The following APCDD1 variants were observed in gnomAD, a reference collection of about 807,000 sequenced individuals.
APCDD1 encodes the protein protein APCDD1.
A neutral mutation model predicts 38.1 loss-of-function variants in APCDD1; 15 were observed. The ratio of observed to expected loss-of-function variants is 0.39; its 90% CI spans 0.26 to 0.61. The LOEUF is 0.61. Ranked by LOEUF, APCDD1 falls within the 20% of genes least tolerant of loss-of-function variation. The pLI is 0.49. For synonymous variants in APCDD1, 261 were observed against 279.7 expected, an observed-to-expected ratio of 0.93 and a Z score of 0.67; for missense variants, 647 against 696.2, an observed-to-expected ratio of 0.93 and a Z score of 0.79.
At chr18:10,463,098 T>C (rs1474532736) in intron 1 of APCDD1, among the ~76,000 whole-genome samples, 1 of 151,940 alleles carries the variant, frequency 6.6e-6, no homozygotes, top group Non-Finnish European at 1.5e-5. Flanking sequence ...GGTCACCCCG[T>C]GCCCCCTTCT....
In APCDD1 at chr18:10,485,499, A is replaced by T. The variant is rs547035524; in HGVS notation, c.812A>T (p.Tyr271Phe). 1 of 1,614,104 alleles carries T rather than the reference A, an allele frequency of 6.2e-7. No homozygotes were observed. Among genetic ancestry groups the T allele is most frequent in the East Asian group, 2.2e-5 (1 of 44,866 alleles). Reference sequence around the variant, plus strand: ...GCCTGCATCGCCTGTCGGATCATCTATCGGTCAGACGAGCACCACCCTCCC... The same window carrying T: ...GCCTGCATCGCCTGTCGGATCATCTTTCGGTCAGACGAGCACCACCCTCCC... ...DHACIACRII[Y>F]RSDEHHPPIL... The change falls in exon 4 of 5, where the codon TAT becomes TTT. Residue 271 changes from tyrosine (Y) to phenylalanine (F), a missense_variant. Physicochemically the swap from Tyr to Phe is conservative, Grantham distance 22. Transcript: ENST00000355285. The surrounding 1 kb of genome is among the most constrained non-coding windows in gnomAD (Gnocchi z 5.8).
chr18:10,458,559 CAGAT>C (rs1196951571), intron 1 of APCDD1, among the ~76,000 whole-genome samples: 3 of 152,122 alleles, frequency 2.0e-5, no homozygotes, highest in African/African-American at 7.2e-5. Flanking sequence ...GGGTCTCAGA[CAGAT>C]GTTAAATATC....
chr18:10,477,730 G>A (rs1417869084), intron 3 of APCDD1: 5 of 152,182 alleles, frequency 3.3e-5, no homozygotes, highest in African/African-American at 1.2e-4. Flanking sequence ...CTGAGCCCCA[G>A]GGGAGAAAGG....
At chr18:10,487,465 T>G in intron 4 of APCDD1, 125 bp from the exon 5 acceptor site, 1 of 920,216 alleles carries the variant, frequency 1.1e-6, no homozygotes, top group Non-Finnish European at 1.7e-6. Context: ...GGTGGGTCTG[T>G]AGGTGGGATT....
rs2031311590 is a variant in APCDD1, at chr18:10,488,864, G to C, written c.*826G>C. 6.6e-6 allele frequency: 1 copy of C among 152,212 alleles called. No homozygotes were observed. Among genetic ancestry groups the C allele is most frequent in the Admixed American group, 6.5e-5 (1 of 15,276 alleles). 9.4% of individuals were successfully genotyped at this position (152,212 alleles called of 1,614,324 possible). On this transcript the variant is annotated 3_prime_UTR_variant, in exon 5 of 5. Coordinates refer to ENST00000355285, the MANE Select transcript of APCDD1 (RefSeq NM_153000.5). ...AGGAGCAGTGACACGGGTGGCTGCA[G>C]TGTGGTACATGCCACACAAATGATA... is the stretch of plus-strand genomic sequence containing the variant.
chr18:10,487,104 T>C (rs899918536), intron 4 of APCDD1, among the ~76,000 whole-genome samples: 2 of 152,232 alleles, frequency 1.3e-5, no homozygotes, highest in African/African-American at 2.4e-5. Flanking sequence ...GCCTGATGTA[T>C]GGGCCCATAG....
chr18:10,473,550 G>A (rs1378564022), intron 3 of APCDD1, among the ~76,000 whole-genome samples: 1 of 152,206 alleles, frequency 6.6e-6, no homozygotes, highest in Non-Finnish European at 1.5e-5. Context: ...CAGCTGTCAG[G>A]GGGTCCCAGA....
At chr18:10,463,512 A>G (rs2030624200) in intron 1 of APCDD1, among the ~76,000 whole-genome samples, 1 of 152,212 alleles carries the variant, frequency 6.6e-6, no homozygotes, top group Non-Finnish European at 1.5e-5. Flanking sequence ...CTGATTCTTG[A>G]GAAGGAAGCT....
At chr18:10,487,564 A>T in intron 4 of APCDD1, 26 bp from the exon 5 acceptor site, 1 of 1,612,392 alleles carries the variant, frequency 6.2e-7, no homozygotes, top group Non-Finnish European at 8.5e-7. Flanking sequence ...CCCTGGAGTC[A>T]TGGAACTCTC....
intron 3 of APCDD1, among the ~76,000 whole-genome samples, chr18:10,480,322 T>A (rs1182317761): frequency 6.6e-6 from 1 of 152,260 alleles, no homozygotes; most frequent in African/African-American, 2.4e-5. Context: ...GGAAGAATAC[T>A]GTTTCCGAAA....
rs2030316569 is a variant in APCDD1 at position 10,454,674 on chromosome 18, C to T, written c.-308C>T. Reference sequence around the variant, plus strand: ...GCTGCGGTGGCGGTGGCGGCCACTGCAGCTCAGAGCGGCGCACGCGGCGGC... The same window carrying T: ...GCTGCGGTGGCGGTGGCGGCCACTGTAGCTCAGAGCGGCGCACGCGGCGGC... On this transcript the variant is annotated 5_prime_UTR_variant, in exon 1 of 5. Transcript: ENST00000355285. 8.1e-6 allele frequency: 8 copies of T among 991,376 alleles called. No individual in the cohort carries two copies. Among genetic ancestry groups the T allele is most frequent in the Non-Finnish European group, 9.6e-6 (8 of 834,368 alleles). The allele number at this position is 991,376 out of a possible 1,614,324, so 61.4% of individuals were successfully genotyped here. A position where few individuals can be genotyped will look rare whatever the true frequency, so the allele number is the denominator to read the frequency against.
At chr18:10,460,532 C>CAAAAAA (rs1167036963) in intron 1 of APCDD1, among the ~76,000 whole-genome samples, 2 of 73,592 alleles carry the variant, frequency 2.7e-5, no homozygotes, top group Admixed American at 1.5e-4. Context: ...GACTCTGTCT[C>CAAAAAA]AAAAAAAAAA....
intron 1 of APCDD1, among the ~76,000 whole-genome samples, chr18:10,457,654 A>G: frequency 6.6e-6 from 1 of 152,202 alleles, no homozygotes; most frequent in East Asian, 1.9e-4. Flanking sequence ...TCATTTAGAG[A>G]TTTATTTGTT....
intron 1 of APCDD1, among the ~76,000 whole-genome samples, chr18:10,464,345 GACAC>G (rs1413196286): frequency 3.8e-5 from 3 of 79,454 alleles, no homozygotes; most frequent in African/African-American, 5.5e-5. Context: ...CACACACACA[GACAC>G]ACACACACAA....
intron 3 of APCDD1, among the ~76,000 whole-genome samples, chr18:10,482,049 CG>C (rs1461544005): frequency 6.6e-6 from 1 of 152,110 alleles, no homozygotes; most frequent in East Asian, 1.9e-4. Flanking sequence ...TCCCCTCCCC[CG>C]AGCCTTTGCC....
chr18:10,464,368 T>G (rs543806157), intron 1 of APCDD1, among the ~76,000 whole-genome samples: 112 of 140,130 alleles, frequency 8.0e-4, no homozygotes, highest in Non-Finnish European at 9.8e-4. Flanking sequence ...AAAAACATCT[T>G]TGTTAGTCTT....
At chr18:10,468,758 T>G in intron 2 of APCDD1, 106 bp downstream of exon 2, 1 of 1,249,358 alleles carries the variant, frequency 8.0e-7, no homozygotes, top group South Asian at 1.3e-5. Flanking sequence ...TACAATGATT[T>G]AGGTGTTGTC....
In APCDD1 at chr18:10,487,891, T is replaced by A; in HGVS notation, c.1398T>A (p.Cys466Ter). 1 of 1,613,472 alleles carries A rather than the reference T, an allele frequency of 6.2e-7. No homozygotes were observed. Among genetic ancestry groups the A allele is most frequent in the Non-Finnish European group, 8.5e-7 (1 of 1,179,764 alleles). Residue 466 changes from cysteine (C) to a stop codon, truncating the protein, a stop_gained, in exon 5 of 5, where the codon TGT becomes TGA. Transcript: ENST00000355285. LOFTEE classifies it low-confidence loss of function (END_TRUNC). ...CCTACCAGATGCCCTTGGTCCAGTG[T>A]GCCTCCTCTTCGCCGAGGGCAGAGG... The part of the protein sequence containing the change: ...ATSYQMPLVQ[C>*]ASSSPRAEDL...
At chr18:10,478,975 A>G (rs1175241313) in intron 3 of APCDD1, among the ~76,000 whole-genome samples, 1 of 152,118 alleles carries the variant, frequency 6.6e-6, no homozygotes, top group Non-Finnish European at 1.5e-5. Context: ...TACATGTCCA[A>G]TGCCAGCTTT....
Sources: allele counts gnomAD v4.1 joint callset (sites outside exome capture counted in the v4.1 genomes callset), GRCh38; gene constraint gnomAD v4.1.1; non-coding constraint Gnocchi (gnomAD v3.1); transcripts MANE v1.5; gene names NCBI Gene and HGNC (gene_info 2026-07-23, HGNC 2026-07-21).